SLC18A2: variants seen among roughly 807,000 people sequenced by gnomAD.
The protein encoded by SLC18A2 is synaptic vesicular amine transporter.
Under a neutral mutation model 59.2 loss-of-function variants are expected in SLC18A2, and 33 were observed. The observed-to-expected ratio is 0.56, with a 90% CI of 0.42 to 0.75. The LOEUF is 0.75. Ranked by LOEUF, SLC18A2 falls within the 30% of genes least tolerant of loss-of-function variation. The pLI is 0.00. For missense variants in SLC18A2, 569 were observed against 668.6 expected (o/e 0.85, Z 1.64); for synonymous variants, 228 against 253.5 (o/e 0.90, Z 0.95).
intron 15 of SLC18A2, among the ~76,000 whole-genome samples, chr10:117,271,806 A>C (rs1027402355): frequency 6.6e-6 from 1 of 152,216 alleles, no homozygotes; most frequent in Non-Finnish European, 1.5e-5. Flanking sequence ...TACCTTGCCG[A>C]AATGGAGTCA....
chr10:117,255,755 C>A, intron 9 of SLC18A2, 98 bp downstream of exon 9: 1 of 1,075,296 alleles, frequency 9.3e-7, no homozygotes. Flanking sequence ...CGTTTTGCTG[C>A]TAGAAATGTT....
At chr10:117,252,641 C>T (rs1485115099) in intron 3 of SLC18A2, among the ~76,000 whole-genome samples, 1 of 152,196 alleles carries the variant, frequency 6.6e-6, no homozygotes, top group Non-Finnish European at 1.5e-5. Flanking sequence ...ATTTCTTAGG[C>T]ACCTTCTATG....
chr10:117,264,726 A>G (rs559475351), intron 10 of SLC18A2, among the ~76,000 whole-genome samples: 1 of 152,190 alleles, frequency 6.6e-6, no homozygotes, highest in Admixed American at 6.5e-5. Context: ...TGTTTTATTC[A>G]TTTATACCTA....
intron 3 of SLC18A2, among the ~76,000 whole-genome samples, chr10:117,250,404 C>G (rs184587270): frequency 2.9e-4 from 44 of 152,320 alleles, no homozygotes; most frequent in African/African-American, 9.9e-4. Flanking sequence ...AGGGTTTGGA[C>G]TGGCTAGCCC....
At chr10:117,247,598 A>G (rs1044273609) in intron 3 of SLC18A2, among the ~76,000 whole-genome samples, 1 of 152,250 alleles carries the variant, frequency 6.6e-6, no homozygotes, top group African/African-American at 2.4e-5. Flanking sequence ...TACCAGGCAG[A>G]ACTGCTGGAG....
chr10:117,242,196 G>A (rs1222539023), intron 2 of SLC18A2, among the ~76,000 whole-genome samples: 1 of 152,216 alleles, frequency 6.6e-6, no homozygotes, highest in African/African-American at 2.4e-5. Context: ...AGGCAGGTTA[G>A]TAATTTGGTG....
At chr10:117,257,723 C>T (rs768533825) in intron 9 of SLC18A2, 74 bp from the exon 10 acceptor site, 70 of 880,920 alleles carry the variant, frequency 7.9e-5, no homozygotes, top group African/African-American at 5.4e-4. Context: ...GAGCTGTAGG[C>T]GCATGGAGTC....
rs1360929859 is a variant in SLC18A2, at chr10:117,277,205, A to G, written c.1484A>G (p.Tyr495Cys). The G allele has an allele frequency of 6.2e-7, 1 of 1,612,266 alleles. No homozygotes were observed. Among genetic ancestry groups the G allele is most frequent in the Non-Finnish European group, 8.5e-7 (1 of 1,178,802 alleles). Residue 495 changes from tyrosine to cysteine, a missense_variant, in exon 16 of 16, where the codon TAC (tyrosine) becomes TGC (cysteine). Tyr to Cys is a radical substitution (Grantham distance 194). Transcript: ENST00000644641. ...DHNCPIKTKM[Y>C]TQNNIQSYPI... ...AACTGCCCTATTAAAACAAAAATGT[A>G]CACTCAGAATAATATCCAGTCATAT...
intron 13 of SLC18A2, 138 bp downstream of exon 13, chr10:117,267,874 T>G (rs1312007031): frequency 1.8e-6 from 1 of 565,450 alleles, no homozygotes; most frequent in East Asian, 2.8e-5. Context: ...TTAGCTAAAT[T>G]ACAGCCTGTC....
At chr10:117,264,286 C>T (rs754615652) in intron 10 of SLC18A2, among the ~76,000 whole-genome samples, 37 of 152,256 alleles carry the variant, frequency 2.4e-4, no homozygotes, top group Non-Finnish European at 4.3e-4. Context: ...CCAGCCAACA[C>T]TTTTCTCAGA....
chr10:117,261,531 G>A (rs1335009933), intron 10 of SLC18A2, among the ~76,000 whole-genome samples: 1 of 152,188 alleles, frequency 6.6e-6, no homozygotes, highest in Admixed American at 6.5e-5. Flanking sequence ...TCTGAATCAA[G>A]CAGACATTTT....
chr10:117,248,023 G>A (rs536836091), intron 3 of SLC18A2, among the ~76,000 whole-genome samples: 3 of 152,290 alleles, frequency 2.0e-5, no homozygotes, highest in South Asian at 2.1e-4. Context: ...AGGCTGGAGT[G>A]CAGTGGGGCT....
chr10:117,270,034 C>A (rs753387744), intron 13 of SLC18A2, 37 bp from the exon 14 acceptor site: 13 of 1,606,678 alleles, frequency 8.1e-6, no homozygotes, highest in Non-Finnish European at 1.0e-5. Context: ...GGGTTTACAT[C>A]CGTTTTCTAT....
chr10:117,263,563 G>A (rs150582409), intron 10 of SLC18A2, among the ~76,000 whole-genome samples: 110 of 152,274 alleles, frequency 7.2e-4, no homozygotes, highest in African/African-American at 2.6e-3. Flanking sequence ...TTGCCAGCCT[G>A]CCCCCCAAAT....
At position 117,255,895 on chromosome 10, in the gene SLC18A2, G is replaced by A. The variant is rs186498161; in HGVS notation, c.895+238G>A. Among the ~76,000 whole-genome samples, 498 of 152,352 alleles carry A rather than the reference G, an allele frequency of 3.3e-3. 2 individuals carry two copies. Among genetic ancestry groups the A allele is most frequent in the African/African-American group, 0.011 (471 of 41,576 alleles). ...TTTGGGGAAAATCAAAATGGCGTAT[G>A]CTGGGCTCTGCAGAGCTGCCTGGGT... On this transcript the variant is annotated intron_variant, in intron 9 of 15. Transcript: ENST00000644641.
At chr10:117,273,332 G>A (rs952518006) in intron 15 of SLC18A2, among the ~76,000 whole-genome samples, 4 of 152,188 alleles carry the variant, frequency 2.6e-5, no homozygotes, top group Admixed American at 6.5e-5. Flanking sequence ...ACACGGTAGC[G>A]CTTCACTCTC....
chr10:117,242,794 A>G (rs567921406), intron 2 of SLC18A2, among the ~76,000 whole-genome samples: 75 of 152,196 alleles, frequency 4.9e-4, no homozygotes, highest in African/African-American at 1.7e-3. Flanking sequence ...GGGCAGTGGC[A>G]CAGTCTTGGC....
At chr10:117,259,937 C>G (rs363222) in intron 10 of SLC18A2, among the ~76,000 whole-genome samples, 87,630 of 152,112 alleles carry the variant, frequency 0.58, 27,356 homozygotes, top group Non-Finnish European at 0.72. Flanking sequence ...CTGTTTTACT[C>G]CAGTTGGCTG....
At chr10:117,249,839 AT>A (rs67478953) in intron 3 of SLC18A2, among the ~76,000 whole-genome samples, 87,303 of 152,018 alleles carry the variant, frequency 0.57, 27,341 homozygotes, top group Middle Eastern at 0.71. Context: ...TCTTACTCAA[AT>A]TGGATTAACT....
Sources: allele counts gnomAD v4.1 joint callset (sites outside exome capture counted in the v4.1 genomes callset), GRCh38; gene constraint gnomAD v4.1.1; transcripts MANE v1.5; gene names NCBI Gene and HGNC (gene_info 2026-07-23, HGNC 2026-07-21).